Variants in LTA4H observed in about 807,000 individuals in gnomAD.
LTA4H encodes the protein leukotriene A4 hydrolase, also known as leukotriene A-4 hydrolase.
LTA4H carries 59 observed loss-of-function variants against 89.8 expected under a neutral mutation model. The ratio of observed to expected loss-of-function variants is 0.66; its 90% confidence interval spans 0.53 to 0.82. The LOEUF (loss-of-function observed/expected upper bound fraction) is 0.82, where lower values mean the gene tolerates loss of function less well. Among genes scored for constraint, LTA4H ranks in the 40% least tolerant of loss-of-function variants. LTA4H has a pLI of 0.00. For missense variants in LTA4H, 617 were observed against 727.0 expected, an observed-to-expected ratio of 0.85 and a Z score of 1.74; for synonymous variants, 227 against 253.1, an observed-to-expected ratio of 0.90 and a Z score of 0.98.
Position 96,025,513 on chromosome 12 carries a change from T to C in LTA4H, c.412-966A>G, listed in dbSNP as rs537093525. ...AAGTGTTTCTGTACTGCCACACCAA[T>C]CGTTATTAACATTGGTTCCATCCAG... On this transcript the variant is annotated intron_variant, in intron 3 of 18. Transcript: ENST00000228740. The C allele has an allele frequency of 2.4e-4, 36 of 152,274 alleles. 1 individual carries two copies. The highest frequency in any genetic ancestry group is 8.2e-4 in the African/African-American group (34 of 41,554). The allele number at this position is 152,274 out of a possible 1,614,324, so 9.4% of individuals were successfully genotyped here.
chr12:96,007,370 A>C (rs1950219420), intron 15 of LTA4H, among the ~76,000 whole-genome samples: 1 of 152,208 alleles, frequency 6.6e-6, no homozygotes, highest in African/African-American at 2.4e-5. Context: ...TGTGGTAAAA[A>C]CATAAAAAGC....
rs1432384697 is a variant in LTA4H, at chr12:96,022,103, G to A, written c.585+44C>T. ...TCTGGATGTGTACAAGCTAACTGTAGTTTACCGCCAATGAAAACAAAAATC... is the reference window on the plus strand; with the variant it reads ...TCTGGATGTGTACAAGCTAACTGTAATTTACCGCCAATGAAAACAAAAATC... On this transcript the variant is annotated intron_variant, in intron 5 of 18. Transcript: ENST00000228740. The surrounding 1 kb of genome is among the most constrained non-coding windows in gnomAD (Gnocchi z 4.0). The A allele has an allele frequency of 4.6e-6, 6 of 1,315,610 alleles. No homozygotes were observed. The Admixed American group carries it at 6.9e-5, about 15-fold the overall frequency. The allele number at this position is 1,315,610 out of a possible 1,614,324, so 81.5% of individuals were successfully genotyped here.
intron 14 of LTA4H, chr12:96,010,720 A>G (rs1950286873): frequency 6.6e-6 from 1 of 152,208 alleles, no homozygotes; most frequent in Non-Finnish European, 1.5e-5. Flanking sequence ...AACATGACAC[A>G]TTTGTGCTTT....
chr12:96,019,339 A>G, intron 6 of LTA4H, 99 bp from the exon 7 acceptor site: 1 of 985,526 alleles, frequency 1.0e-6, no homozygotes, highest in Non-Finnish European at 1.5e-6. Flanking sequence ...CTTTACAGTG[A>G]GAGTGCATTT....
chr12:96,012,433 C>T (rs1397959050), intron 14 of LTA4H: 1 of 152,358 alleles, frequency 6.6e-6, no homozygotes, highest in Admixed American at 6.5e-5. Context: ...ATATTGAGGC[C>T]GGGCACGGTG....
At chr12:96,015,975 C>T (rs932038912) in intron 10 of LTA4H, among the ~76,000 whole-genome samples, 4 of 152,188 alleles carry the variant, frequency 2.6e-5, no homozygotes, top group Non-Finnish European at 4.4e-5. Flanking sequence ...CTAGACTGAA[C>T]CTAACACTCC....
At chr12:96,024,453 T>C (rs201151022) in intron 4 of LTA4H, 26 bp downstream of exon 4, 10 of 1,369,676 alleles carry the variant, frequency 7.3e-6, no homozygotes, top group South Asian at 3.5e-5. Context: ...CATCATTTAA[T>C]TGAGTTAATA....
intron 17 of LTA4H, among the ~76,000 whole-genome samples, 183 bp from the exon 18 acceptor site, chr12:96,003,247 T>C (rs1055603035): frequency 6.6e-6 from 1 of 152,192 alleles, no homozygotes; most frequent in African/African-American, 2.4e-5. Flanking sequence ...ATTTAATAAT[T>C]GGTGAAGAGA....
chr12:96,029,345 G>A (rs574487953), intron 1 of LTA4H, among the ~76,000 whole-genome samples, 160 bp from the exon 2 acceptor site: 50 of 152,138 alleles, frequency 3.3e-4, no homozygotes, highest in African/African-American at 1.1e-3. Flanking sequence ...CTCATTTTTT[G>A]GGACTCTAAG....
At chr12:96,011,752 C>G (rs1022805451) in intron 14 of LTA4H, 1 of 152,126 alleles carries the variant, frequency 6.6e-6, no homozygotes, top group African/African-American at 2.4e-5. Flanking sequence ...TCTTTTCTCA[C>G]CACAGCCAAT....
At chr12:96,016,292 C>T (rs950923594) in intron 10 of LTA4H, among the ~76,000 whole-genome samples, 1 of 123,522 alleles carries the variant, frequency 8.1e-6, no homozygotes, top group Admixed American at 8.4e-5. Flanking sequence ...GAGTGAGACT[C>T]CATCTCAAAA....
intron 18 of LTA4H, 101 bp from the exon 19 acceptor site, chr12:96,001,207 GAAAGGAA>G (rs1950095675): frequency 1.4e-6 from 1 of 731,072 alleles, no homozygotes; most frequent in Non-Finnish European, 2.4e-6. Flanking sequence ...GGGTTCAGAG[GAAAGGAA>G]AAAGGAAGGA....
intron 14 of LTA4H, 123 bp downstream of exon 14, chr12:96,013,065 A>C: frequency 1.3e-6 from 1 of 742,886 alleles, no homozygotes; most frequent in South Asian, 1.7e-5. Flanking sequence ...AAAACACCTA[A>C]GAACTCTGCT....
intron 14 of LTA4H, chr12:96,012,941 T>C (rs561657085): frequency 1.2e-5 from 5 of 431,040 alleles, no homozygotes; most frequent in Non-Finnish European, 2.1e-5. Context: ...TACAATAGCT[T>C]ATTGTCTAAA....
intron 17 of LTA4H, chr12:96,003,562 A>T (rs2136851735): frequency 4.1e-6 from 1 of 244,846 alleles, no homozygotes; most frequent in Non-Finnish European, 7.7e-6. Context: ...GTTGTGGAGA[A>T]AGCCTATTTA....
rs1566012761 is a variant in LTA4H, at chr12:96,022,240, A to G, written c.492T>C (p.Pro164=). The stretch of plus-strand genomic sequence containing the variant: ...CACTCATAAGTGCCACCAGTTCTTT[A>G]GGGACAGACACCTAATCAAGGAGAA... ...KLTYTAEVSV[P]KELVALMSAI... Residue 164 remains proline (P), a synonymous_variant, in exon 5 of 19, where the codon CCT becomes CCC. Transcript: ENST00000228740. The surrounding 1 kb of genome is among the most constrained non-coding windows in gnomAD (Gnocchi z 4.0). 1.9e-6 allele frequency: 3 copies of G among 1,608,198 alleles called. No individual in the cohort carries two copies.
chr12:96,015,860 G>A (rs1459511133), intron 10 of LTA4H, among the ~76,000 whole-genome samples, 166 bp from the exon 11 acceptor site: 1 of 152,174 alleles, frequency 6.6e-6, no homozygotes, highest in Non-Finnish European at 1.5e-5. Flanking sequence ...CAGAGCAATG[G>A]GAAGCCCAGC....
Position 96,024,522 on chromosome 12 carries a change from G to A in LTA4H, c.437C>T (p.Pro146Leu), listed in dbSNP as rs1376284168. ...CQAIHCRAILPCQDTPSVKLT... is the reference protein window; with the variant it reads ...CQAIHCRAILLCQDTPSVKLT... ...TTTCACAGAAGGAGTGTCCTGACAA[G>A]GAAGGATTGCTCTGCAGTGGATGGC... The change falls in exon 4 of 19, where the codon CCT (proline) becomes CTT (leucine). Residue 146 changes from proline to leucine, a missense_variant. By Grantham distance (98) the Pro-to-Leu change is moderately conservative. This residue lies in a region of LTA4H where 172 missense variants were observed against 244.5 expected (regional missense o/e 0.70). Coordinates refer to ENST00000228740, the MANE Select transcript of LTA4H (RefSeq NM_000895.3). The A allele has an allele frequency of 6.2e-7, 1 of 1,611,770 alleles. No homozygotes were observed. Among genetic ancestry groups the A allele is most frequent in the Admixed American group, 1.7e-5 (1 of 59,986 alleles).
intron 5 of LTA4H, among the ~76,000 whole-genome samples, 176 bp downstream of exon 5, chr12:96,021,971 G>GT (rs941931600): frequency 2.0e-5 from 3 of 151,700 alleles, no homozygotes; most frequent in Admixed American, 2.0e-4. Context: ...ACAACACTCT[G>GT]TAAGTAGAAC....
Sources: gnomAD v4.1 joint callset for allele counts (sites outside exome capture counted in the v4.1 genomes callset) on GRCh38, gnomAD v4.1.1 for gene constraint, gnomAD v4.1.1 regional missense constraint, Gnocchi (gnomAD v3.1) non-coding constraint, MANE v1.5 for transcripts, NCBI Gene and HGNC (gene_info 2026-07-23, HGNC 2026-07-21) for gene names.